The following KIR3DL2 variants were observed in gnomAD, a reference collection of about 807,000 sequenced individuals.
KIR3DL2 encodes killer cell immunoglobulin like receptor, three Ig domains and long cytoplasmic tail 2, also known as killer cell immunoglobulin-like receptor 3DL2.
KIR3DL2 carries 42 observed loss-of-function variants against 41.6 expected under a neutral mutation model. That is an observed-to-expected ratio of 1.01 (90% CI 0.79 to 1.31). The LOEUF is 1.31. Among genes scored for constraint, KIR3DL2 ranks in the 50% most tolerant of loss-of-function variants. The pLI is 0.00. For missense variants in KIR3DL2, 728 were observed against 576.8 expected, an observed-to-expected ratio of 1.26 and a Z score of -2.68; for synonymous variants, 230 against 221.3, an observed-to-expected ratio of 1.04 and a Z score of -0.35.
rs374656124 is a variant in KIR3DL2, at chr19:54,860,611, G to A, written c.1000+1482G>A. Among the ~76,000 whole-genome samples, 21 of 152,042 alleles carry A rather than the reference G, an allele frequency of 1.4e-4. No homozygotes were observed. In the East Asian group the frequency reaches 3.3e-3, roughly 24 times the overall value. ...GCTGGTCTCAAATTCCCAACCTCAG[G>A]TGATCCAATAGCCTCTGCCTCCCAA... is the stretch of plus-strand genomic sequence containing the variant. On this transcript the variant is annotated intron_variant, in intron 6 of 8. Transcript: ENST00000326321.
intron 2 of KIR3DL2, among the ~76,000 whole-genome samples, chr19:54,851,575 G>C (rs2064241391): frequency 6.6e-6 from 1 of 151,450 alleles, no homozygotes; most frequent in Non-Finnish European, 1.5e-5. Context: ...ACACCCTCCA[G>C]CGTTTCCGTG....
At chr19:54,860,327 A>C (rs892137863) in intron 6 of KIR3DL2, among the ~76,000 whole-genome samples, 2 of 152,084 alleles carry the variant, frequency 1.3e-5, no homozygotes, top group Admixed American at 1.3e-4. Flanking sequence ...TAAATGAATG[A>C]TCTATTGAGA....
chr19:54,859,438 G>A (rs1012446818), intron 6 of KIR3DL2, among the ~76,000 whole-genome samples: 3 of 151,870 alleles, frequency 2.0e-5, no homozygotes, highest in Non-Finnish European at 2.9e-5. Context: ...ATAAATTCCC[G>A]GGGGCTTGAG....
chr19:54,866,640 G>C lies in KIR3DL2; in HGVS notation c.1277G>C (p.Ser426Thr), dbSNP rs1363933367. The change falls in exon 9 of 9, where the codon AGC becomes ACC. Residue 426 changes from serine to threonine, a missense_variant. Ser to Thr is a moderately conservative substitution (Grantham distance 58). Transcript: ENST00000326321. ...CCCAAGACACCCCTAACAGATACCA[G>C]CGTGTACACGGAACTTCCAAATGCT... ...QRPKTPLTDT[S>T]VYTELPNAEP... 1.2e-6 allele frequency: 2 copies of C among 1,613,978 alleles called. No homozygotes were observed. The highest frequency in any genetic ancestry group is 4.5e-5 in the East Asian group (2 of 44,880).
chr19:54,864,142 G>A (rs1451539535), intron 6 of KIR3DL2, among the ~76,000 whole-genome samples: 1 of 151,956 alleles, frequency 6.6e-6, no homozygotes, highest in Non-Finnish European at 1.5e-5. Flanking sequence ...GTTTTTCTCA[G>A]GTTTGTCAAA....
chr19:54,852,035 C>T lies in KIR3DL2; in HGVS notation c.108C>T (p.Ser36=). 1 of 1,611,814 alleles carries T rather than the reference C, an allele frequency of 6.2e-7. No homozygotes were observed. The highest frequency in any genetic ancestry group is 8.5e-7 in the Non-Finnish European group (1 of 1,178,856). ...QDKPFLSARP[S]TVVPRGGHVA... ...AACCCTTCCTGTCTGCCCGGCCCAG[C>T]ACTGTGGTGCCTCGAGGAGGACACG... The change falls in exon 3 of 9, where the codon AGC becomes AGT. Residue 36 remains serine (S), a synonymous_variant. Transcript: ENST00000326321.
chr19:54,866,356 T>C lies in KIR3DL2; in HGVS notation c.1106-14T>C. On this transcript the variant is annotated splice_polypyrimidine_tract_variant and intron_variant, in intron 7 of 8. Coordinates refer to ENST00000326321, the MANE Select transcript of KIR3DL2 (RefSeq NM_006737.4). ...GGCCCTCCAAGCGGTTTTGATGACTTCCGTCTCCTACAGATGCTGCTGTAA... is the reference window on the plus strand; with the variant it reads ...GGCCCTCCAAGCGGTTTTGATGACTCCCGTCTCCTACAGATGCTGCTGTAA... The C allele has an allele frequency of 6.2e-7, 1 of 1,613,886 alleles. No individual in the cohort carries two copies. The highest frequency in any genetic ancestry group is 1.1e-5 in the South Asian group (1 of 91,078).
intron 6 of KIR3DL2, among the ~76,000 whole-genome samples, chr19:54,864,930 T>C (rs1182124847): frequency 6.6e-6 from 1 of 152,120 alleles, no homozygotes; most frequent in Non-Finnish European, 1.5e-5. Flanking sequence ...ATCCCTGTCT[T>C]GTGCCAGTTT....
At chr19:54,855,088 TATATAG>T in intron 4 of KIR3DL2, among the ~76,000 whole-genome samples, 1 of 150,824 alleles carries the variant, frequency 6.6e-6, no homozygotes, top group East Asian at 1.9e-4. Flanking sequence ...CATATATAAA[TATATAG>T]ATACATAGAT....
rs1253140103 is a variant in KIR3DL2, at chr19:54,851,938, CAG to C, written c.71-59_71-58del. The C allele has an allele frequency of 3.8e-6, 6 of 1,582,990 alleles. No homozygotes were observed. The African/African-American group carries it at 8.2e-5, about 22-fold the overall frequency. On this transcript the variant is annotated intron_variant, in intron 2 of 8. Transcript: ENST00000326321. ...CGGAAATGGGAGAATCTTCTGAGCACAGGGAGGGAGGGGTGGCTCCACATCCT... is the reference window on the plus strand; with the variant it reads ...CGGAAATGGGAGAATCTTCTGAGCACGGAGGGAGGGGTGGCTCCACATCCT...
chr19:54,853,663 G>A lies in KIR3DL2; in HGVS notation c.356-84G>A, dbSNP rs1443446538. 1.7e-5 allele frequency: 26 copies of A among 1,496,928 alleles called. No homozygotes were observed. The African/African-American group carries it at 3.5e-4, about 20-fold the overall frequency. The allele number at this position is 1,496,928 out of a possible 1,614,324, so 92.7% of individuals were successfully genotyped here. Reference sequence around the variant, plus strand: ...GAGGGAGGAGAGAGACAGACCTCTGGGAGGGGAACCCTCACTCATTCCAGG... The same window carrying A: ...GAGGGAGGAGAGAGACAGACCTCTGAGAGGGGAACCCTCACTCATTCCAGG... On this transcript the variant is annotated intron_variant, in intron 3 of 8. Coordinates refer to ENST00000326321, the MANE Select transcript of KIR3DL2 (RefSeq NM_006737.4).
rs1320132703 is a variant in KIR3DL2, at chr19:54,858,127, G to T, written c.950-952G>T. On this transcript the variant is annotated intron_variant, in intron 5 of 8. Transcript: ENST00000326321. ...CTCTTCACTTTGTTGGTTTATCTTT[G>T]GTGGTGCAGAAGTTGCTTGGTTTGA... 5.9e-4 allele frequency among the ~76,000 whole-genome samples: 89 copies of T among 151,086 alleles called. No homozygotes were observed. In the South Asian group the frequency reaches 6.3e-3, roughly 11 times the overall value.
Position 54,866,817 on chromosome 19 carries a change from G to T in KIR3DL2, c.*86G>T. Reference sequence around the variant, plus strand: ...CTGAAGGCATCAGTCTGCATCTTAGGGGATCGCTCTTCCTCACACCACGAA... The same window carrying T: ...CTGAAGGCATCAGTCTGCATCTTAGTGGATCGCTCTTCCTCACACCACGAA... On this transcript the variant is annotated 3_prime_UTR_variant, in exon 9 of 9. Transcript: ENST00000326321. The T allele has an allele frequency of 7.0e-7, 1 of 1,422,446 alleles. No homozygotes were observed. Among genetic ancestry groups the T allele is most frequent in the East Asian group, 2.3e-5 (1 of 43,832 alleles). 88.1% of individuals were successfully genotyped at this position (1,422,446 alleles called of 1,614,324 possible).
intron 2 of KIR3DL2, 143 bp downstream of exon 2, chr19:54,851,398 C>A: frequency 2.4e-6 from 2 of 839,162 alleles, no homozygotes; most frequent in Non-Finnish European, 3.7e-6. Context: ...CTGACCTCGC[C>A]CTCCCTGGCC....
rs2064091846 is a variant in KIR3DL2 at position 54,850,512 on chromosome 19, G to A, written c.34+3G>A. ...GGTCGTCAGCATGGCGTGCGTTGGT[G>A]AGTCCTGGAAGGGAATAGAGGGAGG... On this transcript the variant is annotated splice_donor_region_variant and intron_variant, in intron 1 of 8. Transcript: ENST00000326321. 1 of 1,609,520 alleles carries A rather than the reference G, an allele frequency of 6.2e-7. No individual in the cohort carries two copies. The highest frequency in any genetic ancestry group is 1.1e-5 in the South Asian group (1 of 91,076).
intron 2 of KIR3DL2, 147 bp from the exon 3 acceptor site, chr19:54,851,851 C>G (rs1290525101): frequency 2.4e-6 from 2 of 835,198 alleles, no homozygotes; most frequent in Non-Finnish European, 3.8e-6. Context: ...GACGCCATGT[C>G]TATGTGGGGT....
chr19:54,854,916 G>A (rs1196117408), intron 4 of KIR3DL2, among the ~76,000 whole-genome samples: 1 of 151,678 alleles, frequency 6.6e-6, no homozygotes. Context: ...GGCAGAGAAA[G>A]ACAAGGAGAT....
At chr19:54,853,686 A>C in intron 3 of KIR3DL2, 61 bp from the exon 4 acceptor site, 1 of 1,564,132 alleles carries the variant, frequency 6.4e-7, no homozygotes, top group Non-Finnish European at 8.7e-7. Flanking sequence ...CACTCATTCC[A>C]GGTGCCATGG....
At chr19:54,863,479 A>G (rs2065314991) in intron 6 of KIR3DL2, among the ~76,000 whole-genome samples, 1 of 152,068 alleles carries the variant, frequency 6.6e-6, no homozygotes, top group African/African-American at 2.4e-5. Flanking sequence ...CCAACAGTGT[A>G]AAAGTGTTCC....
Sources: gnomAD v4.1 joint callset for allele counts (sites outside exome capture counted in the v4.1 genomes callset) on GRCh38, gnomAD v4.1.1 for gene constraint, MANE v1.5 for transcripts, NCBI Gene and HGNC (gene_info 2026-07-23, HGNC 2026-07-21) for gene names.